Variants in MAML3 observed in about 807,000 individuals in gnomAD.
MAML3 encodes mastermind like transcriptional coactivator 3, also known as mastermind-like protein 3.
Under a neutral mutation model 101.9 loss-of-function variants are expected in MAML3, and 27 were observed. The ratio of observed to expected loss-of-function variants is 0.27; its 90% CI spans 0.20 to 0.37. MAML3 has a LOEUF of 0.37. Ranked by LOEUF, MAML3 falls within the 10% of genes least tolerant of loss-of-function variation. The probability of loss-of-function intolerance (pLI) is 1.00; values close to 1 mark genes in which losing one functional copy is unlikely to be tolerated. For synonymous variants in MAML3, 501 were observed against 555.9 expected (o/e 0.90, Z 1.39); for missense variants, 1,316 against 1,444.9 (o/e 0.91, Z 1.45).
chr4:139,825,740 C>T (rs1345175672), intron 2 of MAML3, among the ~76,000 whole-genome samples: 1 of 148,224 alleles, frequency 6.7e-6, no homozygotes, highest in East Asian at 2.0e-4. Flanking sequence ...TAAATATAGA[C>T]AATGACTTCA....
chr4:139,733,266 G>A (rs1043220366), intron 2 of MAML3, among the ~76,000 whole-genome samples: 19 of 152,182 alleles, frequency 1.2e-4, no homozygotes, highest in African/African-American at 4.1e-4. Flanking sequence ...GGAGGAGAGA[G>A]TTGGAAAGAA....
intron 2 of MAML3, among the ~76,000 whole-genome samples, chr4:139,750,225 C>G (rs537939006): frequency 1.3e-5 from 2 of 152,174 alleles, no homozygotes; most frequent in Admixed American, 6.5e-5. Context: ...CCCATAGCTC[C>G]AAGTGACAGG....
chr4:139,966,755 C>T (rs1223207731), intron 1 of MAML3, among the ~76,000 whole-genome samples: 1 of 152,116 alleles, frequency 6.6e-6, no homozygotes, highest in Non-Finnish European at 1.5e-5. Context: ...TTTTTTACAT[C>T]AACGAGCAGT....
chr4:139,742,626 C>T (rs941147253), intron 2 of MAML3, among the ~76,000 whole-genome samples: 12 of 152,166 alleles, frequency 7.9e-5, no homozygotes, highest in African/African-American at 2.7e-4. Context: ...TGGTTCTTAA[C>T]GGTCACATCA....
chr4:139,792,826 G>A (rs1037311267), intron 2 of MAML3, among the ~76,000 whole-genome samples: 9 of 150,842 alleles, frequency 6.0e-5, no homozygotes, highest in African/African-American at 2.0e-4. Context: ...CTCACTGCAA[G>A]CTCCGCCTCC....
At chr4:139,905,503 A>AAAAAAAAAAAAG (rs1732808451) in intron 1 of MAML3, among the ~76,000 whole-genome samples, 1 of 151,676 alleles carries the variant, frequency 6.6e-6, no homozygotes, top group Admixed American at 6.6e-5. Flanking sequence ...AAAAAAAAAA[A>AAAAAAAAAAAAG]AAAAATCAGT....
chr4:140,110,232 G>A (rs530194550), intron 1 of MAML3, among the ~76,000 whole-genome samples: 112 of 152,274 alleles, frequency 7.4e-4, no homozygotes, highest in African/African-American at 2.5e-3. Context: ...TATTCTAAAG[G>A]CATTTCATTA....
At chr4:140,056,996 A>G (rs1405798267) in intron 1 of MAML3, among the ~76,000 whole-genome samples, 1 of 152,214 alleles carries the variant, frequency 6.6e-6, no homozygotes, top group Non-Finnish European at 1.5e-5. Flanking sequence ...ACAACAAAAA[A>G]TGCAGATTAG....
chr4:140,102,938 A>G (rs1728276642), intron 1 of MAML3, among the ~76,000 whole-genome samples: 1 of 152,214 alleles, frequency 6.6e-6, no homozygotes, highest in Non-Finnish European at 1.5e-5. Flanking sequence ...ACAAATGTAA[A>G]ATCCAGAAAA....
intron 2 of MAML3, among the ~76,000 whole-genome samples, chr4:139,860,133 G>T (rs1270855823): frequency 1.3e-5 from 2 of 152,252 alleles, no homozygotes; most frequent in East Asian, 3.9e-4. Flanking sequence ...AAAACCCACA[G>T]CCTGAGTTCC....
At chr4:139,769,930 T>A (rs1313189785) in intron 2 of MAML3, among the ~76,000 whole-genome samples, 1 of 151,090 alleles carries the variant, frequency 6.6e-6, no homozygotes, top group Non-Finnish European at 1.5e-5. Context: ...TTTTTTTTTT[T>A]TTTTTTAAAG....
At chr4:139,781,692 G>C (rs1730218804) in intron 2 of MAML3, among the ~76,000 whole-genome samples, 1 of 152,072 alleles carries the variant, frequency 6.6e-6, no homozygotes, top group African/African-American at 2.4e-5. Context: ...GTGAAGTGTG[G>C]TTTTACTTTT....
At chr4:139,733,025 A>G (rs1728786584) in intron 2 of MAML3, among the ~76,000 whole-genome samples, 1 of 152,230 alleles carries the variant, frequency 6.6e-6, no homozygotes. Flanking sequence ...GCAGGGGCCT[A>G]GATATTTCAG....
chr4:139,974,929 A>G (rs1734301104), intron 1 of MAML3, among the ~76,000 whole-genome samples: 1 of 151,926 alleles, frequency 6.6e-6, no homozygotes, highest in South Asian at 2.1e-4. Context: ...GTGCAGGGTG[A>G]CTGGAAAAAT....
At chr4:139,881,331 C>T (rs1732214478) in intron 2 of MAML3, among the ~76,000 whole-genome samples, 1 of 152,156 alleles carries the variant, frequency 6.6e-6, no homozygotes, top group African/African-American at 2.4e-5. Flanking sequence ...CTACATAGAA[C>T]TTAGTAAGAC....
At chr4:140,051,701 G>A (rs1259584328) in intron 1 of MAML3, among the ~76,000 whole-genome samples, 2 of 152,128 alleles carry the variant, frequency 1.3e-5, no homozygotes, top group African/African-American at 4.8e-5. Context: ...CTTCTTTCTG[G>A]ATGCTTGAAG....
Position 140,153,147 on chromosome 4 carries a change from C to A in MAML3, c.181G>T (p.Gly61Cys), listed in dbSNP as rs1215470187. 6.5e-7 allele frequency: 1 copy of A among 1,550,098 alleles called. No individual in the cohort carries two copies. The highest frequency in any genetic ancestry group is 2.4e-5 in the East Asian group (1 of 40,912). ...AGGCGGSGGPGGGSAAVPKHS... is the reference protein window; with the variant it reads ...AGGCGGSGGPCGGSAAVPKHS... ...TTGGGAACGGCCGCCGAACCGCCGC[C>A]GGGGCCCCCGGAGCCGCCGCATCCA... The change falls in exon 1 of 5, where the codon GGC becomes TGC. Residue 61 changes from glycine (G) to cysteine (C), a missense_variant. Transcript: ENST00000509479.
At chr4:139,851,634 G>C (rs372961388) in intron 2 of MAML3, among the ~76,000 whole-genome samples, 1 of 152,236 alleles carries the variant, frequency 6.6e-6, no homozygotes, top group African/African-American at 2.4e-5. Context: ...AGTAAGATAG[G>C]CTGGTTGGGG....
At chr4:140,074,271 G>A (rs914573131) in intron 1 of MAML3, among the ~76,000 whole-genome samples, 1 of 144,790 alleles carries the variant, frequency 6.9e-6, no homozygotes, top group Non-Finnish European at 1.5e-5. Context: ...GAGGACATGT[G>A]TACTATGAGG....
Sources: allele counts gnomAD v4.1 joint callset (sites outside exome capture counted in the v4.1 genomes callset), GRCh38; gene constraint gnomAD v4.1.1; transcripts MANE v1.5; gene names NCBI Gene and HGNC (gene_info 2026-07-23, HGNC 2026-07-21).